The following ANO6 variants were observed in gnomAD, a reference collection of about 807,000 sequenced individuals.
ANO6 encodes anoctamin-6.
ANO6 carries 106 observed loss-of-function variants against 117.5 expected under a neutral mutation model. The observed-to-expected ratio is 0.90, with a 90% CI of 0.77 to 1.06. The LOEUF (loss-of-function observed/expected upper bound fraction) is 1.06. Among genes scored for constraint, ANO6 ranks in the 50% least tolerant of loss-of-function variants. The pLI, the probability that ANO6 is intolerant of heterozygous loss-of-function variation, is 0.00. For missense variants in ANO6, 955 were observed against 1,121.1 expected, an observed-to-expected ratio of 0.85 and a Z score of 2.12; for synonymous variants, 367 against 385.1, an observed-to-expected ratio of 0.95 and a Z score of 0.55.
At chr12:45,416,946 G>A in intron 17 of ANO6, 42 bp downstream of exon 17, 2 of 1,593,910 alleles carry the variant, frequency 1.3e-6, no homozygotes, top group African/African-American at 1.3e-5. Flanking sequence ...CCTTGAAGAT[G>A]CATTAGATTT....
intron 7 of ANO6, among the ~76,000 whole-genome samples, chr12:45,355,572 C>T (rs1565714395): frequency 6.6e-6 from 1 of 152,178 alleles, no homozygotes; most frequent in East Asian, 1.9e-4. Flanking sequence ...GCCAAGGCGT[C>T]TCAAACCCAT....
chr12:45,439,565 C>A (rs1189283347), intron 19 of ANO6: 1 of 1,033,628 alleles, frequency 9.7e-7, no homozygotes, highest in Admixed American at 3.8e-5. Flanking sequence ...AACAAATTCT[C>A]AAAGGTAAAT....
intron 2 of ANO6, among the ~76,000 whole-genome samples, chr12:45,327,578 T>C (rs1349464733): frequency 2.0e-5 from 3 of 152,170 alleles, no homozygotes; most frequent in Non-Finnish European, 4.4e-5. Flanking sequence ...CTATTACACA[T>C]GTTGTAAAGC....
intron 10 of ANO6, among the ~76,000 whole-genome samples, chr12:45,379,737 A>C (rs934757688): frequency 9.2e-5 from 14 of 152,190 alleles, no homozygotes; most frequent in Admixed American, 7.2e-4. Context: ...ACAAGCCTCA[A>C]ATTTACTAGC....
chr12:45,246,057 AG>A (rs1947820858), intron 1 of ANO6, among the ~76,000 whole-genome samples: 1 of 152,158 alleles, frequency 6.6e-6, no homozygotes, highest in Admixed American at 6.5e-5. Context: ...TGAAAATATC[AG>A]GAGAGAAATT....
At chr12:45,269,445 G>T (rs923826222) in intron 1 of ANO6, among the ~76,000 whole-genome samples, 5 of 152,164 alleles carry the variant, frequency 3.3e-5, no homozygotes, top group African/African-American at 1.2e-4. Context: ...TATTTCTGAG[G>T]CTTTGGTTTT....
chr12:45,409,408 G>T lies in ANO6; in HGVS notation c.1932G>T (p.Lys644Asn). Residue 644 changes from lysine (K) to asparagine (N), a missense_variant, in exon 16 of 20, where the codon AAG becomes AAT. Transcript: ENST00000320560. ...TTCACAGAGTTTCTGGATCAGAAAA[G>T]ATAACCCCACGATGGGAACAGGACT... ...GRFHRVSGSE[K>N]ITPRWEQDYH... 1 of 1,614,060 alleles carries T rather than the reference G, an allele frequency of 6.2e-7. No homozygotes were observed. The highest frequency in any genetic ancestry group is 8.5e-7 in the Non-Finnish European group (1 of 1,179,960).
At chr12:45,350,532 C>T (rs1941251764) in intron 6 of ANO6, 127 bp from the exon 7 acceptor site, 3 of 759,952 alleles carry the variant, frequency 3.9e-6, no homozygotes, top group Admixed American at 4.0e-5. Flanking sequence ...GATGGTATTT[C>T]CACCCTTTCC....
At chr12:45,317,468 T>C (rs576084394) in intron 2 of ANO6, among the ~76,000 whole-genome samples, 1 of 151,942 alleles carries the variant, frequency 6.6e-6, no homozygotes, top group East Asian at 1.9e-4. Flanking sequence ...TTTTTATGGC[T>C]GCATAGTATT....
intron 6 of ANO6, among the ~76,000 whole-genome samples, chr12:45,349,784 A>G (rs1248235061): frequency 6.6e-6 from 1 of 152,192 alleles, no homozygotes; most frequent in Non-Finnish European, 1.5e-5. Context: ...CTGAGAGTCC[A>G]TGTGTTTTAC....
At position 45,287,726 on chromosome 12, in the gene ANO6, A is replaced by G. The variant is rs557721578; in HGVS notation, c.71-14288A>G. 5.9e-5 allele frequency among the ~76,000 whole-genome samples: 9 copies of G among 152,236 alleles called. 1 individual carries two copies. The South Asian group carries it at 1.9e-3, about 32-fold the overall frequency. On this transcript the variant is annotated intron_variant, in intron 1 of 19. Coordinates refer to ENST00000320560, the MANE Select transcript of ANO6 (RefSeq NM_001025356.3). ...AAGTGGGAAAGGCAAGGTATAGCAAACCTCTTTTGAAGGGAAGACACAGTG... is the reference window on the plus strand; with the variant it reads ...AAGTGGGAAAGGCAAGGTATAGCAAGCCTCTTTTGAAGGGAAGACACAGTG...
chr12:45,358,190 A>G (rs1406900086), intron 8 of ANO6, among the ~76,000 whole-genome samples: 1 of 152,242 alleles, frequency 6.6e-6, no homozygotes, highest in African/African-American at 2.4e-5. Flanking sequence ...GGCACCAGCA[A>G]TGAGCTGATA....
chr12:45,241,661 G>T (rs1947746310), intron 1 of ANO6, among the ~76,000 whole-genome samples: 1 of 152,200 alleles, frequency 6.6e-6, no homozygotes, highest in African/African-American at 2.4e-5. Context: ...CAGCTTTTCT[G>T]CTCTGGTTTC....
chr12:45,323,382 A>G (rs576680140), intron 2 of ANO6, among the ~76,000 whole-genome samples: 16 of 152,338 alleles, frequency 1.1e-4, no homozygotes, highest in Admixed American at 1.3e-4. Context: ...AAAGACAGCT[A>G]AAAGAAGTAA....
chr12:45,348,411 AAAAAG>A (rs1350404937), intron 5 of ANO6, 96 bp downstream of exon 5: 6 of 1,579,352 alleles, frequency 3.8e-6, no homozygotes, highest in East Asian at 2.2e-5. Flanking sequence ...AAAACTGCAC[AAAAAG>A]AAAAGAAATA....
At chr12:45,232,988 T>G (rs748488228) in intron 1 of ANO6, among the ~76,000 whole-genome samples, 1 of 152,174 alleles carries the variant, frequency 6.6e-6, no homozygotes, top group African/African-American at 2.4e-5. Context: ...GCACTCCATC[T>G]TTTCCTCTTG....
intron 9 of ANO6, among the ~76,000 whole-genome samples, chr12:45,368,405 T>C (rs1235310215): frequency 1.3e-5 from 2 of 152,234 alleles, no homozygotes; most frequent in African/African-American, 4.8e-5. Flanking sequence ...GCTTAGATTG[T>C]AAAGACCCTG....
chr12:45,318,163 A>AT (rs1360241394), intron 2 of ANO6, among the ~76,000 whole-genome samples: 6 of 152,090 alleles, frequency 3.9e-5, no homozygotes, highest in Non-Finnish European at 7.4e-5. Context: ...TTTTGCTGCC[A>AT]TTGCTTTTGG....
At chr12:45,420,995 G>C in intron 17 of ANO6, 76 bp from the exon 18 acceptor site, 1 of 1,504,400 alleles carries the variant, frequency 6.6e-7, no homozygotes, top group East Asian at 2.3e-5. Flanking sequence ...ATGCAGCCTG[G>C]GCAGCAAGAG....
Sources: allele counts gnomAD v4.1 joint callset (sites outside exome capture counted in the v4.1 genomes callset), GRCh38; gene constraint gnomAD v4.1.1; transcripts MANE v1.5; gene names NCBI Gene and HGNC (gene_info 2026-07-23, HGNC 2026-07-21).